The following RSU1 variants were observed in gnomAD, a reference collection of about 807,000 sequenced individuals.
RSU1 encodes the protein rsu-1.
RSU1 carries 26 observed loss-of-function variants against 31.1 expected under a neutral mutation model. That is an observed-to-expected ratio of 0.84 (90% CI 0.61 to 1.16). RSU1 has a LOEUF of 1.16. RSU1 is among the 50% of genes most tolerant of loss of function. The probability of loss-of-function intolerance (pLI) is 0.00; values close to 1 mark genes in which losing one functional copy is unlikely to be tolerated. For synonymous variants in RSU1, 164 were observed against 136.3 expected, an observed-to-expected ratio of 1.20 and a Z score of -1.41; for missense variants, 320 against 339.1, an observed-to-expected ratio of 0.94 and a Z score of 0.44.
rs142281224 is a variant in RSU1 at position 16,784,665 on chromosome 10, C to T, written c.110-2581G>A. On this transcript the variant is annotated intron_variant, in intron 2 of 8. Transcript: ENST00000345264. The stretch of plus-strand genomic sequence containing the variant: ...GAAGCCTCACAATCATGGCAGAAGG[C>T]AAAGAGGAAGCAAAGGCACATCTTA... 3.8e-3 allele frequency among the ~76,000 whole-genome samples: 585 copies of T among 152,216 alleles called. 5 individuals are homozygous for T. The highest frequency in any genetic ancestry group is 0.014 in the African/African-American group (568 of 41,526).
At chr10:16,643,167 C>A (rs1834475184) in intron 8 of RSU1, among the ~76,000 whole-genome samples, 1 of 152,062 alleles carries the variant, frequency 6.6e-6, no homozygotes, top group Non-Finnish European at 1.5e-5. Flanking sequence ...CAGTAATGCC[C>A]AGCTATGGGG....
At position 16,593,422 on chromosome 10, in the gene RSU1, C is replaced by A. The variant is rs148784401; in HGVS notation, c.806G>T (p.Arg269Leu). The A allele has an allele frequency of 2.2e-5, 36 of 1,613,882 alleles. No individual in the cohort carries two copies. The highest frequency in any genetic ancestry group is 2.8e-5 in the Non-Finnish European group (33 of 1,180,004). Reference protein sequence around the residue: ...KNNDKSKKISRKPLAAKNR With the variant: ...KNNDKSKKISLKPLAAKNR ...TCTGTTCTTGGCTGCCAGGGGTTTCCGGCTGATCTTTTTCGATTTGTCATT... is the reference window on the plus strand; with the variant it reads ...TCTGTTCTTGGCTGCCAGGGGTTTCAGGCTGATCTTTTTCGATTTGTCATT... Residue 269 changes from arginine to leucine, a missense_variant, in exon 9 of 9, where the codon CGG (arginine) becomes CTG (leucine). Physicochemically the swap from Arg to Leu is moderately radical, Grantham distance 102. Coordinates refer to ENST00000345264, the MANE Select transcript of RSU1 (RefSeq NM_012425.4).
chr10:16,661,073 A>T (rs1033444839), intron 8 of RSU1, among the ~76,000 whole-genome samples: 1 of 151,568 alleles, frequency 6.6e-6, no homozygotes, highest in African/African-American at 2.4e-5. Context: ...GTTGTTTTTG[A>T]TGGTTGCTGA....
chr10:16,675,284 G>A (rs1272186264), intron 8 of RSU1, among the ~76,000 whole-genome samples: 1 of 151,994 alleles, frequency 6.6e-6, no homozygotes, highest in Non-Finnish European at 1.5e-5. Flanking sequence ...AAAATCAGGA[G>A]GTAACAGACT....
intron 8 of RSU1, among the ~76,000 whole-genome samples, chr10:16,672,666 A>G (rs61842276): frequency 0.027 from 4,064 of 152,168 alleles, 91 homozygotes; most frequent in East Asian, 0.11. Context: ...CGAACACTCT[A>G]CAAAATGCAA....
intron 7 of RSU1, among the ~76,000 whole-genome samples, chr10:16,728,023 TC>T (rs1406904883): frequency 6.6e-6 from 1 of 152,208 alleles, no homozygotes; most frequent in African/African-American, 2.4e-5. Context: ...CACTTAGGGC[TC>T]CCTGTCTTCA....
intron 8 of RSU1, among the ~76,000 whole-genome samples, chr10:16,623,662 T>A (rs1454962780): frequency 1.3e-5 from 2 of 152,210 alleles, no homozygotes; most frequent in African/African-American, 4.8e-5. Flanking sequence ...CCATTCCGTG[T>A]TCTCTGCAGC....
chr10:16,738,174 C>T lies in RSU1; in HGVS notation c.598+14365G>A, dbSNP rs886992949. Among the ~76,000 whole-genome samples, 16 of 152,218 alleles carry T rather than the reference C, an allele frequency of 1.1e-4. No individual in the cohort carries two copies. The South Asian group carries it at 1.9e-3, about 18-fold the overall frequency. ...ACACTAAAAAAGAAGAGGCCGGGCA[C>T]GGTGGCTCACGCCTGTAATCCCAGC... On this transcript the variant is annotated intron_variant, in intron 7 of 8. Coordinates refer to ENST00000345264, the MANE Select transcript of RSU1 (RefSeq NM_012425.4).
Position 16,592,244 on chromosome 10 carries a change from T to C in RSU1, c.*1150A>G, listed in dbSNP as rs1272851883. On this transcript the variant is annotated 3_prime_UTR_variant, in exon 9 of 9. Transcript: ENST00000345264. Reference sequence around the variant, plus strand: ...CCCCCTCTCCCAGGCCATTTGACTCTCCCAGGCCATTTGAAAAGACGGTGC... The same window carrying C: ...CCCCCTCTCCCAGGCCATTTGACTCCCCCAGGCCATTTGAAAAGACGGTGC... 3 of 152,138 alleles carry C rather than the reference T, an allele frequency of 2.0e-5. No homozygotes were observed. Among genetic ancestry groups the C allele is most frequent in the African/African-American group, 7.2e-5 (3 of 41,418 alleles). The allele number at this position is 152,138 out of a possible 1,614,324, so 9.4% of individuals were successfully genotyped here.
chr10:16,798,845 A>C (rs1025535094), intron 2 of RSU1, among the ~76,000 whole-genome samples: 1 of 144,236 alleles, frequency 6.9e-6, no homozygotes, highest in South Asian at 2.2e-4. Context: ...GCCAGAAGAA[A>C]TAGAGTAACA....
intron 7 of RSU1, among the ~76,000 whole-genome samples, chr10:16,731,706 T>C (rs1035385394): frequency 2.0e-5 from 3 of 152,214 alleles, no homozygotes. Context: ...TTCTAAAAAA[T>C]AGTAACTTGT....
At chr10:16,763,995 G>C (rs767743648) in intron 4 of RSU1, among the ~76,000 whole-genome samples, 1 of 151,954 alleles carries the variant, frequency 6.6e-6, no homozygotes, top group Non-Finnish European at 1.5e-5. Flanking sequence ...TTCCCTCCAC[G>C]GCACGAAGGT....
At chr10:16,810,769 A>G (rs1234833213) in intron 2 of RSU1, among the ~76,000 whole-genome samples, 2 of 152,210 alleles carry the variant, frequency 1.3e-5, no homozygotes, top group Non-Finnish European at 1.5e-5. Flanking sequence ...TCACTCAACA[A>G]TGAACCACCC....
intron 2 of RSU1, among the ~76,000 whole-genome samples, chr10:16,788,705 A>G (rs1837849795): frequency 6.6e-6 from 1 of 152,202 alleles, no homozygotes; most frequent in South Asian, 2.1e-4. Flanking sequence ...CAGCCATCAC[A>G]TCTACATTCC....
At chr10:16,603,426 A>G (rs754336175) in intron 8 of RSU1, among the ~76,000 whole-genome samples, 1 of 152,196 alleles carries the variant, frequency 6.6e-6, no homozygotes, top group Non-Finnish European at 1.5e-5. Flanking sequence ...TGATGCTTTT[A>G]CTTAATAAAA....
chr10:16,784,499 G>C (rs1390373487), intron 2 of RSU1, among the ~76,000 whole-genome samples: 1 of 152,176 alleles, frequency 6.6e-6, no homozygotes, highest in South Asian at 2.1e-4. Context: ...GGAACTTATG[G>C]TGGAAGGCAA....
intron 7 of RSU1, among the ~76,000 whole-genome samples, chr10:16,739,349 T>G (rs1187498455): frequency 6.6e-6 from 1 of 152,164 alleles, no homozygotes; most frequent in Non-Finnish European, 1.5e-5. Flanking sequence ...GTGTTCCTAT[T>G]TCTCTACATC....
intron 7 of RSU1, chr10:16,723,123 A>G (rs1836316221): frequency 6.6e-6 from 1 of 151,866 alleles, no homozygotes; most frequent in Non-Finnish European, 1.5e-5. Context: ...GTTGGCACAT[A>G]ATTTGAGCTG....
At chr10:16,753,883 A>T (rs1223280292) in intron 5 of RSU1, among the ~76,000 whole-genome samples, 1 of 152,088 alleles carries the variant, frequency 6.6e-6, no homozygotes, top group Non-Finnish European at 1.5e-5. Flanking sequence ...TCAGCCTCCC[A>T]AGTAGCTAAG....
Sources: allele counts gnomAD v4.1 joint callset (sites outside exome capture counted in the v4.1 genomes callset), GRCh38; gene constraint gnomAD v4.1.1; transcripts MANE v1.5; gene names NCBI Gene and HGNC (gene_info 2026-07-23, HGNC 2026-07-21).